PTPN3: variants seen among roughly 807,000 people sequenced by gnomAD.
PTPN3 encodes protein tyrosine phosphatase non-receptor type 3, also known as tyrosine-protein phosphatase non-receptor type 3.
In PTPN3, 96 loss-of-function variants were observed where a neutral mutation model predicts 132.7. That is an observed-to-expected ratio of 0.72 (90% CI 0.61 to 0.86). The LOEUF is 0.86. PTPN3 is among the 40% of genes least tolerant of loss of function. PTPN3 has a pLI of 0.00. For missense variants in PTPN3, 1,125 were observed against 1,159.6 expected, an observed-to-expected ratio of 0.97 and a Z score of 0.43; for synonymous variants, 398 against 429.0, an observed-to-expected ratio of 0.93 and a Z score of 0.89.
At chr9:109,393,261 T>C (rs1000568922) in intron 19 of PTPN3, among the ~76,000 whole-genome samples, 8 of 152,194 alleles carry the variant, frequency 5.3e-5, no homozygotes, top group Admixed American at 2.6e-4. Context: ...AATAATCTAG[T>C]TTACTATAAT....
intron 7 of PTPN3, 84 bp downstream of exon 7, chr9:109,445,156 G>A: frequency 7.1e-7 from 1 of 1,409,054 alleles, no homozygotes; most frequent in Non-Finnish European, 1.0e-6. Context: ...GAGGGACTTG[G>A]TCAAGCAGGA....
At chr9:109,537,747 C>T in the PTPN3 span, among the ~76,000 whole-genome samples, 6 of 152,204 alleles carry the variant, frequency 3.9e-5, no homozygotes, top group African/African-American at 1.4e-4. Flanking sequence ...AGTTCAATTC[C>T]TTATGTCCAC....
intron 1 of PTPN3, among the ~76,000 whole-genome samples, chr9:109,490,716 G>A (rs1484763666): frequency 1.3e-5 from 2 of 152,098 alleles, no homozygotes; most frequent in Non-Finnish European, 2.9e-5. Context: ...TCCAGCCTGG[G>A]CGACAGAGCG....
intron 19 of PTPN3, among the ~76,000 whole-genome samples, chr9:109,395,561 C>T (rs982755462): frequency 5.9e-5 from 9 of 151,994 alleles, no homozygotes; most frequent in African/African-American, 1.7e-4. Context: ...CTGAGGTGGG[C>T]GGATAGCTTA....
At chr9:109,399,141 T>C (rs920491322) in intron 19 of PTPN3, among the ~76,000 whole-genome samples, 7 of 152,040 alleles carry the variant, frequency 4.6e-5, no homozygotes, top group African/African-American at 1.4e-4. Flanking sequence ...CAATGGCGAG[T>C]TGCCGACAAT....
intron 14 of PTPN3, among the ~76,000 whole-genome samples, chr9:109,416,619 C>T (rs1842524102): frequency 6.6e-6 from 1 of 151,724 alleles, no homozygotes; most frequent in African/African-American, 2.4e-5. Context: ...CTAATTTTTG[C>T]ATTTTTTTGT....
chr9:109,528,258 A>G, the PTPN3 span, among the ~76,000 whole-genome samples: 1 of 152,244 alleles, frequency 6.6e-6, no homozygotes, highest in Non-Finnish European at 1.5e-5. Context: ...ATGAGTTCTA[A>G]TGTTCAGCAA....
intron 19 of PTPN3, among the ~76,000 whole-genome samples, chr9:109,394,622 T>C (rs1840412094): frequency 6.6e-6 from 1 of 152,198 alleles, no homozygotes; most frequent in African/African-American, 2.4e-5. Context: ...TTTGTATTTT[T>C]ATTTATACAA....
chr9:109,433,080 A>G lies in PTPN3; in HGVS notation c.757T>C (p.Tyr253His). ...AGAACTGTTTGCACTTACCAAGGAT[A>G]GAAACTTGTGCAAATGTATTTTCGG... The part of the protein sequence containing the change: ...VYRKYICTSF[Y>H]PWVNILKISF... The change falls in exon 10 of 26, where the codon TAT (tyrosine) becomes CAT (histidine). Residue 253 changes from tyrosine (Y) to histidine (H), a missense_variant. By Grantham distance (83) the Tyr-to-His change is moderately conservative. Transcript: ENST00000374541. 1 of 1,614,142 alleles carries G rather than the reference A, an allele frequency of 6.2e-7. No individual in the cohort carries two copies. The highest frequency in any genetic ancestry group is 8.5e-7 in the Non-Finnish European group (1 of 1,179,998).
chr9:109,386,160 G>C (rs767198534), intron 22 of PTPN3, among the ~76,000 whole-genome samples: 19 of 152,310 alleles, frequency 1.2e-4, no homozygotes, highest in Middle Eastern at 3.4e-3. Context: ...GATGAGATAG[G>C]AACTTAGGGA....
At chr9:109,415,097 TCC>T (rs1253520677) in intron 14 of PTPN3, among the ~76,000 whole-genome samples, 1 of 95,134 alleles carries the variant, frequency 1.1e-5, no homozygotes, top group Non-Finnish European at 2.3e-5. Context: ...CATCCATCCA[TCC>T]ATCCATCCAT....
the PTPN3 span, chr9:109,534,003 C>T: frequency 1.3e-6 from 1 of 766,950 alleles, no homozygotes; most frequent in South Asian, 1.4e-5. Flanking sequence ...ACATCAAACT[C>T]CACAGTCTCT....
the PTPN3 span, among the ~76,000 whole-genome samples, chr9:109,520,672 C>T: frequency 6.6e-6 from 1 of 152,158 alleles, no homozygotes; most frequent in Non-Finnish European, 1.5e-5. Flanking sequence ...TCTCTTTGCG[C>T]CCTCTACTGT....
At position 109,445,263 on chromosome 9, in the gene PTPN3, A is replaced by G. The variant is rs1400514873; in HGVS notation, c.443T>C (p.Val148Ala). The G allele has an allele frequency of 6.2e-7, 1 of 1,613,874 alleles. No individual in the cohort carries two copies. The highest frequency in any genetic ancestry group is 2.2e-5 in the East Asian group (1 of 44,876). The stretch of plus-strand genomic sequence containing the variant: ...ACATTGTACGGCATAGGACGCTAGA[A>G]CCACTGCTGAGTTAAGAGGGCAGGT... ...RLTCPLNSAVVLASYAVQSHF... is the reference protein window; with the variant it reads ...RLTCPLNSAVALASYAVQSHF... The change falls in exon 7 of 26, where the codon GTT (valine) becomes GCT (alanine). Residue 148 changes from valine to alanine, a missense_variant. Coordinates refer to ENST00000374541, the MANE Select transcript of PTPN3 (RefSeq NM_002829.4).
intron 2 of PTPN3, among the ~76,000 whole-genome samples, chr9:109,460,534 C>T (rs532715830): frequency 6.6e-6 from 1 of 152,190 alleles, no homozygotes; most frequent in Non-Finnish European, 1.5e-5. Flanking sequence ...GCTACCCTCC[C>T]CCCTTGCTCA....
chr9:109,470,467 C>T (rs1035107621), intron 1 of PTPN3, among the ~76,000 whole-genome samples: 4 of 151,968 alleles, frequency 2.6e-5, no homozygotes, highest in African/African-American at 4.8e-5. Context: ...TCCTTAAACT[C>T]CTCTGAAGTA....
the PTPN3 span, among the ~76,000 whole-genome samples, chr9:109,528,188 C>T: frequency 7.5e-3 from 1,148 of 152,276 alleles, 10 homozygotes; most frequent in African/African-American, 0.026. Context: ...AGTATTTACT[C>T]AAGTTTAGCA....
At chr9:109,422,648 G>T in intron 13 of PTPN3, 70 bp downstream of exon 13, 1 of 1,465,138 alleles carries the variant, frequency 6.8e-7, no homozygotes, top group Non-Finnish European at 9.2e-7. Context: ...TATAAGTTGA[G>T]TTTTTATTTT....
rs1838754208 is a variant in PTPN3 at position 109,378,485 on chromosome 9, ATTCT to A, written c.*1067_*1070del. The A allele has an allele frequency of 1.3e-5, 2 of 152,598 alleles. No individual in the cohort carries two copies. The highest frequency in any genetic ancestry group is 4.8e-5 in the African/African-American group (2 of 41,434). The allele number at this position is 152,598 out of a possible 1,614,324, so 9.5% of individuals were successfully genotyped here. A position where few individuals can be genotyped will look rare whatever the true frequency, so the allele number is the denominator to read the frequency against. On this transcript the variant is annotated 3_prime_UTR_variant, in exon 26 of 26. Coordinates refer to ENST00000374541, the MANE Select transcript of PTPN3 (RefSeq NM_002829.4). Reference sequence around the variant, plus strand: ...CATTTGTTCTTCCATACAGAGACTCATTCTTTATATATACTCAACGGTAATTTGA... The same window carrying A: ...CATTTGTTCTTCCATACAGAGACTCATTATATATACTCAACGGTAATTTGA...
Sources: allele counts gnomAD v4.1 joint callset (sites outside exome capture counted in the v4.1 genomes callset), GRCh38; gene constraint gnomAD v4.1.1; transcripts MANE v1.5; gene names NCBI Gene and HGNC (gene_info 2026-07-23, HGNC 2026-07-21).